Variants in TOX2 observed in about 807,000 individuals in gnomAD.
TOX2 encodes granulosa cell HMG box 1.
TOX2 carries 15 observed loss-of-function variants against 47.4 expected under a neutral mutation model. The observed-to-expected ratio is 0.32, with a 90% CI of 0.21 to 0.49. The LOEUF is 0.49. Among genes scored for constraint, TOX2 ranks in the 20% least tolerant of loss-of-function variants. The pLI, the probability that TOX2 is intolerant of heterozygous loss-of-function variation, is 0.99. For synonymous variants in TOX2, 290 were observed against 296.6 expected (o/e 0.98, Z 0.23); for missense variants, 622 against 673.1 (o/e 0.92, Z 0.84).
intron 3 of TOX2, among the ~76,000 whole-genome samples, chr20:44,016,703 G>A (rs1228086090): frequency 1.3e-5 from 2 of 152,244 alleles, no homozygotes; most frequent in East Asian, 1.9e-4. Context: ...CCTGCTGTTC[G>A]CTCTGCTGAG....
intron 3 of TOX2, among the ~76,000 whole-genome samples, chr20:44,035,177 T>C (rs1170971865): frequency 6.6e-6 from 1 of 152,196 alleles, no homozygotes; most frequent in African/African-American, 2.4e-5. Flanking sequence ...GCAGCCAGAG[T>C]GGTTCCATCG....
chr20:43,998,874 C>G (rs1474393946), intron 2 of TOX2, among the ~76,000 whole-genome samples: 1 of 152,192 alleles, frequency 6.6e-6, no homozygotes, highest in African/African-American at 2.4e-5. Context: ...ATTCTCCTGT[C>G]TCAGCCTCCT....
intron 1 of TOX2, among the ~76,000 whole-genome samples, chr20:43,924,672 A>G (rs2145835613): frequency 6.6e-6 from 1 of 152,354 alleles, no homozygotes; most frequent in Non-Finnish European, 1.5e-5. Context: ...TGTAGCCATA[A>G]CATAGGCTGC....
intron 1 of TOX2, among the ~76,000 whole-genome samples, chr20:43,971,085 A>G (rs979460783): frequency 6.6e-6 from 1 of 152,130 alleles, no homozygotes; most frequent in African/African-American, 2.4e-5. Flanking sequence ...CATCAACCCA[A>G]CTGCCTAGAT....
At chr20:44,037,668 GA>G in intron 3 of TOX2, among the ~76,000 whole-genome samples, 2 of 152,206 alleles carry the variant, frequency 1.3e-5, no homozygotes, top group East Asian at 3.9e-4. Flanking sequence ...CTCACTCACT[GA>G]AATACTAGAT....
At chr20:43,947,849 C>A (rs1600671319) in intron 1 of TOX2, among the ~76,000 whole-genome samples, 2 of 152,234 alleles carry the variant, frequency 1.3e-5, no homozygotes, top group Middle Eastern at 6.8e-3. Flanking sequence ...TTGCTGAGAG[C>A]CCCTGGCTGG....
Position 44,039,252 on chromosome 20 carries a change from A to G in TOX2, c.412-12054A>G, listed in dbSNP as rs1297850662. The stretch of plus-strand genomic sequence containing the variant: ...CAGGTAAGCCATAAAGGAGGATGAC[A>G]CAGAGGGCAGGTGTCCAGTCTAGAG... On this transcript the variant is annotated intron_variant, in intron 3 of 8. Coordinates refer to ENST00000341197, the MANE Select transcript of TOX2 (RefSeq NM_001098797.2). 1.6e-5 allele frequency: 21 copies of G among 1,289,346 alleles called. No homozygotes were observed. In the African/African-American group the frequency reaches 2.6e-4, roughly 16 times the overall value. The allele number at this position is 1,289,346 out of a possible 1,614,324, so 79.9% of individuals were successfully genotyped here.
chr20:43,955,846 C>T (rs2069660356), intron 1 of TOX2, among the ~76,000 whole-genome samples: 1 of 152,206 alleles, frequency 6.6e-6, no homozygotes, highest in Admixed American at 6.5e-5. Flanking sequence ...TCCCGTTTCC[C>T]CATCTTAGTT....
At position 44,003,759 on chromosome 20, in the gene TOX2, GGAGTGCA is replaced by G. The variant is rs553188701; in HGVS notation, c.166-2786_166-2780del. Among the ~76,000 whole-genome samples, 458 of 152,298 alleles carry G rather than the reference GGAGTGCA, an allele frequency of 3.0e-3. 2 individuals carry two copies. The highest frequency in any genetic ancestry group is 0.01 in the African/African-American group (423 of 41,568). ...ACGGGAGGGACAGTGTGTGGCAGGC[GGAGTGCA>G]GCAGAGGGAACTGTGTAGGGGAGAG... On this transcript the variant is annotated intron_variant, in intron 2 of 8. Coordinates refer to ENST00000341197, the MANE Select transcript of TOX2 (RefSeq NM_001098797.2).
At chr20:43,932,338 G>T (rs2069262444) in intron 1 of TOX2, among the ~76,000 whole-genome samples, 1 of 152,126 alleles carries the variant, frequency 6.6e-6, no homozygotes, top group Non-Finnish European at 1.5e-5. Flanking sequence ...GGACCCTGAG[G>T]TCTTTGTGAT....
At chr20:43,960,937 G>A (rs963912569) in intron 1 of TOX2, among the ~76,000 whole-genome samples, 1 of 152,236 alleles carries the variant, frequency 6.6e-6, no homozygotes, top group African/African-American at 2.4e-5. Context: ...GTATGAATGA[G>A]GAAACTGAGG....
At chr20:43,988,693 A>G (rs2070315156) in intron 2 of TOX2, among the ~76,000 whole-genome samples, 1 of 152,176 alleles carries the variant, frequency 6.6e-6, no homozygotes, top group Non-Finnish European at 1.5e-5. Context: ...CTGGTGAGCT[A>G]ATATCTGGTG....
intron 3 of TOX2, among the ~76,000 whole-genome samples, chr20:44,029,274 G>A (rs560527605): frequency 1.3e-5 from 2 of 152,346 alleles, no homozygotes; most frequent in South Asian, 4.1e-4. Context: ...AAAACAAGAC[G>A]GATATTGCTG....
At chr20:43,984,912 C>T (rs2070238711) in intron 2 of TOX2, among the ~76,000 whole-genome samples, 2 of 152,102 alleles carry the variant, frequency 1.3e-5, no homozygotes, top group Non-Finnish European at 2.9e-5. Flanking sequence ...CCCTCCCAGC[C>T]ACCTCCCAGC....
chr20:43,928,031 T>C (rs1196792920), intron 1 of TOX2, among the ~76,000 whole-genome samples: 1 of 152,116 alleles, frequency 6.6e-6, no homozygotes, highest in Non-Finnish European at 1.5e-5. Context: ...AGAAAAGGCT[T>C]CTCAGAGGAA....
At chr20:43,976,057 T>A (rs1295084718) in intron 2 of TOX2, among the ~76,000 whole-genome samples, 1 of 152,248 alleles carries the variant, frequency 6.6e-6, no homozygotes, top group Non-Finnish European at 1.5e-5. Flanking sequence ...TGAGATTAAT[T>A]AAGTCTAGCC....
intron 3 of TOX2, among the ~76,000 whole-genome samples, chr20:44,027,599 C>T (rs2145675420): frequency 6.6e-6 from 1 of 152,340 alleles, no homozygotes; most frequent in South Asian, 2.1e-4. Context: ...CATCTCTGCC[C>T]CATTTGGAGA....
intron 1 of TOX2, among the ~76,000 whole-genome samples, chr20:43,937,122 G>C (rs548309923): frequency 1.3e-5 from 2 of 152,336 alleles, no homozygotes; most frequent in East Asian, 3.9e-4. Context: ...AGAGCTCTGG[G>C]GGGACTGTGG....
intron 3 of TOX2, among the ~76,000 whole-genome samples, chr20:44,022,459 CTT>C (rs1475207618): frequency 1.3e-5 from 2 of 152,234 alleles, no homozygotes; most frequent in Non-Finnish European, 2.9e-5. Context: ...TGAGCTGTCT[CTT>C]TTTCTTCCCT....
Sources: gnomAD v4.1 joint callset for allele counts (sites outside exome capture counted in the v4.1 genomes callset) on GRCh38, gnomAD v4.1.1 for gene constraint, MANE v1.5 for transcripts, NCBI Gene and HGNC (gene_info 2026-07-23, HGNC 2026-07-21) for gene names.